Variants in DEUP1 observed in about 807,000 individuals in gnomAD.
DEUP1 encodes coiled-coil domain containing 67.
A neutral mutation model predicts 87.4 loss-of-function variants in DEUP1; 82 were observed. That is an observed-to-expected ratio of 0.94 (90% CI 0.78 to 1.13). The LOEUF (loss-of-function observed/expected upper bound fraction) is 1.13. Among genes scored for constraint, DEUP1 ranks in the 50% most tolerant of loss-of-function variants. The probability of loss-of-function intolerance (pLI) is 0.00; values close to 1 mark genes in which losing one functional copy is unlikely to be tolerated. For missense variants in DEUP1, 663 were observed against 681.5 expected, an observed-to-expected ratio of 0.97 and a Z score of 0.30; for synonymous variants, 214 against 222.7, an observed-to-expected ratio of 0.96 and a Z score of 0.35.
intron 2 of DEUP1, chr11:93,352,268 T>G: frequency 1.5e-6 from 1 of 675,624 alleles, no homozygotes; most frequent in Non-Finnish European, 2.7e-6. Flanking sequence ...TGAAATAACT[T>G]GCTTTTCTAA....
chr11:93,353,332 C>T (rs1209001612), intron 2 of DEUP1, among the ~76,000 whole-genome samples: 1 of 152,162 alleles, frequency 6.6e-6, no homozygotes, highest in Non-Finnish European at 1.5e-5. Flanking sequence ...TCTTGGGGAG[C>T]TCTGCCCCTG....
At chr11:93,374,961 G>A (rs772831219) in intron 7 of DEUP1, among the ~76,000 whole-genome samples, 39 of 150,212 alleles carry the variant, frequency 2.6e-4, no homozygotes, top group Non-Finnish European at 5.0e-4. Context: ...TTTCAGCTGC[G>A]TTTTGTAGTT....
At chr11:93,344,741 T>C (rs918773950) in intron 2 of DEUP1, among the ~76,000 whole-genome samples, 1 of 152,204 alleles carries the variant, frequency 6.6e-6, no homozygotes, top group Non-Finnish European at 1.5e-5. Flanking sequence ...TTAGAAAATA[T>C]GCCCATTGAT....
Position 93,437,941 on chromosome 11 carries a change from T to A in DEUP1, c.*222T>A. On this transcript the variant is annotated 3_prime_UTR_variant, in exon 14 of 14. Coordinates refer to ENST00000298050, the MANE Select transcript of DEUP1 (RefSeq NM_181645.4). ...AAATTGTCCTGCTGTAGAGTTACTA[T>A]AAAATAAACATGACTATTCCAAAAG... 3.0e-6 allele frequency: 1 copy of A among 337,266 alleles called. No individual in the cohort carries two copies. The highest frequency in any genetic ancestry group is 7.1e-5 in the East Asian group (1 of 14,076). The allele number at this position is 337,266 out of a possible 1,614,324, so 20.9% of individuals were successfully genotyped here.
At chr11:93,408,105 A>G (rs1947334562) in intron 11 of DEUP1, 126 bp from the exon 12 acceptor site, 1 of 642,146 alleles carries the variant, frequency 1.6e-6, no homozygotes, top group African/African-American at 1.9e-5. Flanking sequence ...GAAAGTGAGC[A>G]AGAGTACAGC....
chr11:93,385,600 GT>G (rs1946505119), intron 8 of DEUP1, 57 bp downstream of exon 8: 1 of 1,329,956 alleles, frequency 7.5e-7, no homozygotes, highest in Non-Finnish European at 1.0e-6. Flanking sequence ...ATGTTTGAAT[GT>G]TTTTAAGAGT....
In DEUP1 at chr11:93,385,486, TAC is replaced by T. The variant is rs1182244143; in HGVS notation, c.882_883del (p.His294GlnfsTer16). 6.2e-7 allele frequency: 1 copy of T among 1,610,428 alleles called. No homozygotes were observed. The highest frequency in any genetic ancestry group is 1.1e-5 in the South Asian group (1 of 90,648). On this transcript the variant is annotated frameshift_variant, in exon 8 of 14. Coordinates refer to ENST00000298050, the MANE Select transcript of DEUP1 (RefSeq NM_181645.4). LOFTEE classifies it high-confidence loss of function. ...ATTATAGAAATGGAACGATTGCAATTACACAGAGAATTATTAAAAATAGGAGA... is the reference window on the plus strand; with the variant it reads ...ATTATAGAAATGGAACGATTGCAATTACAGAGAATTATTAAAAATAGGAGA...
intron 4 of DEUP1, among the ~76,000 whole-genome samples, chr11:93,361,164 A>G (rs939062150): frequency 1.3e-5 from 2 of 152,134 alleles, no homozygotes; most frequent in Non-Finnish European, 2.9e-5. Flanking sequence ...TCAACCCAGA[A>G]TTCTATGTCT....
chr11:93,354,566 G>A (rs1347032608), intron 2 of DEUP1, among the ~76,000 whole-genome samples: 1 of 152,140 alleles, frequency 6.6e-6, no homozygotes, highest in Admixed American at 6.5e-5. Context: ...GAGAAAAACA[G>A]GTTTAATTGG....
chr11:93,408,450 G>C (rs768202814), intron 12 of DEUP1, 23 bp downstream of exon 12: 4 of 1,364,388 alleles, frequency 2.9e-6, no homozygotes, highest in Non-Finnish European at 3.0e-6. Context: ...CATTATATAA[G>C]GGCATAAGTT....
At chr11:93,347,751 G>GT (rs1235637387) in intron 2 of DEUP1, among the ~76,000 whole-genome samples, 4 of 151,758 alleles carry the variant, frequency 2.6e-5, no homozygotes, top group South Asian at 4.2e-4. Flanking sequence ...TTGTTTTTTC[G>GT]TTTTTTTAGG....
At chr11:93,371,595 C>A (rs1167225234) in intron 7 of DEUP1, among the ~76,000 whole-genome samples, 1 of 152,126 alleles carries the variant, frequency 6.6e-6, no homozygotes, top group South Asian at 2.1e-4. Context: ...TTTTCTCTTA[C>A]CCTGTGTTTC....
At chr11:93,437,479 G>A in intron 13 of DEUP1, 64 bp from the exon 14 acceptor site, 1 of 1,297,058 alleles carries the variant, frequency 7.7e-7, no homozygotes, top group Non-Finnish European at 1.1e-6. Context: ...AAGCATGCCT[G>A]GAAATGGGAA....
chr11:93,345,318 T>A (rs761584573), intron 2 of DEUP1, among the ~76,000 whole-genome samples: 5 of 152,218 alleles, frequency 3.3e-5, no homozygotes, highest in Non-Finnish European at 7.4e-5. Flanking sequence ...GCAGTGAACA[T>A]AACATGTGCA....
intron 13 of DEUP1, among the ~76,000 whole-genome samples, chr11:93,419,980 A>G (rs999787821): frequency 2.6e-5 from 4 of 152,112 alleles, no homozygotes; most frequent in East Asian, 1.9e-4. Flanking sequence ...AATTCTACCA[A>G]AGGTACAAGG....
intron 5 of DEUP1, among the ~76,000 whole-genome samples, chr11:93,365,450 G>A (rs1023972213): frequency 5.5e-4 from 83 of 152,104 alleles, no homozygotes; most frequent in African/African-American, 1.9e-3. Context: ...TGACCTCATG[G>A]AAGATGCCGA....
rs367831123 is a variant in DEUP1, at chr11:93,418,118, C to T, written c.1638+3004C>T. On this transcript the variant is annotated intron_variant, in intron 13 of 13. Transcript: ENST00000298050. ...GGCATTACCATTCAGGACATAGGCA[C>T]GGGCAAGGACTTCATGTCTAAAACA... Among the ~76,000 whole-genome samples the T allele has an allele frequency of 4.2e-3, 645 of 151,972 alleles. 6 individuals carry two copies. Among genetic ancestry groups the T allele is most frequent in the Middle Eastern group, 0.014 (4 of 294 alleles).
In DEUP1 at chr11:93,438,391, A is replaced by T. The variant is rs1948303308; in HGVS notation, c.*672A>T. The T allele has an allele frequency of 2.0e-5, 3 of 152,202 alleles. No homozygotes were observed. The highest frequency in any genetic ancestry group is 2.0e-4 in the Admixed American group (3 of 15,276). The allele number at this position is 152,202 out of a possible 1,614,324, so 9.4% of individuals were successfully genotyped here. On this transcript the variant is annotated 3_prime_UTR_variant, in exon 14 of 14. Transcript: ENST00000298050. ...TTCATGGACACAAACAAGATAAAGGAAATATAAAGCATTACTGTTGCTACA... is the reference window on the plus strand; with the variant it reads ...TTCATGGACACAAACAAGATAAAGGTAATATAAAGCATTACTGTTGCTACA...
chr11:93,399,183 A>G (rs1216213660), intron 11 of DEUP1, among the ~76,000 whole-genome samples: 3 of 151,488 alleles, frequency 2.0e-5, no homozygotes, highest in Non-Finnish European at 2.9e-5. Flanking sequence ...TTACATATAT[A>G]TATATATTTC....
Sources: allele counts gnomAD v4.1 joint callset (sites outside exome capture counted in the v4.1 genomes callset), GRCh38; gene constraint gnomAD v4.1.1; transcripts MANE v1.5; gene names NCBI Gene and HGNC (gene_info 2026-07-23, HGNC 2026-07-21).